BLTP1: variants seen among roughly 807,000 people sequenced by gnomAD.
BLTP1 encodes the protein fragile site-associated protein.
At chr4:122,305,799 A>G in the BLTP1 span, 5 of 1,391,446 alleles carry the variant, frequency 3.6e-6, no homozygotes, top group Admixed American at 1.1e-4. Flanking sequence ...TTGGTGAACA[A>G]TACCATTAAT....
the BLTP1 span, chr4:122,356,697 T>C: frequency 1.2e-6 from 2 of 1,613,890 alleles, no homozygotes; most frequent in South Asian, 2.2e-5. Flanking sequence ...CTATGGATGC[T>C]GAGCTCATCA....
the BLTP1 span, chr4:122,275,980 AT>A: frequency 1.9e-6 from 3 of 1,559,630 alleles, no homozygotes; most frequent in East Asian, 2.4e-5. Context: ...AGACTGGAGG[AT>A]TTTCCTACAT....
At chr4:122,179,850 TAC>T in the BLTP1 span, 2 of 984,610 alleles carry the variant, frequency 2.0e-6, no homozygotes, top group East Asian at 1.1e-4. Context: ...CAGAGATAAA[TAC>T]ACAGAGGCTA....
chr4:122,347,857 C>G, the BLTP1 span: 1 of 997,242 alleles, frequency 1.0e-6, no homozygotes, highest in African/African-American at 1.6e-5. Flanking sequence ...GATTTCAGCC[C>G]TAACTATAGG....
the BLTP1 span, chr4:122,204,830 T>A: frequency 8.0e-6 from 7 of 871,982 alleles, no homozygotes; most frequent in Non-Finnish European, 9.6e-6. Context: ...AGTAAAAGAT[T>A]TGAGGTAAGC....
chr4:122,212,297 A>G, the BLTP1 span, among the ~76,000 whole-genome samples: 3 of 152,202 alleles, frequency 2.0e-5, no homozygotes, highest in Non-Finnish European at 2.9e-5. Context: ...GTAGATACCT[A>G]GAGTTTCTGT....
the BLTP1 span, among the ~76,000 whole-genome samples, chr4:122,304,009 A>C: frequency 6.6e-6 from 1 of 152,174 alleles, no homozygotes; most frequent in African/African-American, 2.4e-5. Context: ...TATGCTACAG[A>C]GAAGTCTTTC....
At chr4:122,254,412 T>C in the BLTP1 span, 1 of 1,388,546 alleles carries the variant, frequency 7.2e-7, no homozygotes, top group South Asian at 1.3e-5. Flanking sequence ...TATACAATTC[T>C]GTTTCATATT....
the BLTP1 span, among the ~76,000 whole-genome samples, chr4:122,317,161 G>T: frequency 6.6e-6 from 1 of 152,096 alleles, no homozygotes; most frequent in South Asian, 2.1e-4. Flanking sequence ...GTGAAACCCT[G>T]TCTCTACTAA....
chr4:122,208,741 C>T, the BLTP1 span: 12 of 805,550 alleles, frequency 1.5e-5, no homozygotes, highest in African/African-American at 7.5e-5. Context: ...ACCTGACTGT[C>T]GAATGCAAAA....
the BLTP1 span, chr4:122,270,877 T>C: frequency 8.7e-7 from 1 of 1,154,354 alleles, no homozygotes; most frequent in Non-Finnish European, 1.2e-6. Context: ...TGAAAAAGCA[T>C]ATTTTACTGG....
chr4:122,322,271 C>A, the BLTP1 span, among the ~76,000 whole-genome samples: 70 of 151,666 alleles, frequency 4.6e-4, no homozygotes, highest in African/African-American at 1.6e-3. Flanking sequence ...ATTGATATAT[C>A]CTCAAGTTCA....
At chr4:122,193,093 C>T in the BLTP1 span, among the ~76,000 whole-genome samples, 2 of 152,092 alleles carry the variant, frequency 1.3e-5, no homozygotes, top group East Asian at 3.9e-4. Flanking sequence ...GTGTCCAGAT[C>T]ATACTATCCA....
At chr4:122,229,449 A>T in the BLTP1 span, among the ~76,000 whole-genome samples, 8 of 152,198 alleles carry the variant, frequency 5.3e-5, no homozygotes, top group Admixed American at 1.3e-4. Context: ...ACTCTGAGTT[A>T]TTGTAACATT....
At chr4:122,226,427 G>A in the BLTP1 span, 1 of 1,177,996 alleles carries the variant, frequency 8.5e-7, no homozygotes, top group Non-Finnish European at 1.0e-6. Flanking sequence ...TTGAATAAAA[G>A]GATTTGCGTT....
chr4:122,362,485 A>T, the BLTP1 span: 1 of 305,998 alleles, frequency 3.3e-6, no homozygotes. Flanking sequence ...GTTATGGTTT[A>T]TAATTATATA....
At chr4:122,175,528 T>C in the BLTP1 span, among the ~76,000 whole-genome samples, 2 of 152,162 alleles carry the variant, frequency 1.3e-5, no homozygotes, top group African/African-American at 4.8e-5. Flanking sequence ...AAAACATTTC[T>C]GTTAGCGCTT....
chr4:122,178,277 A>G, the BLTP1 span: 2 of 396,900 alleles, frequency 5.0e-6, no homozygotes, highest in South Asian at 1.1e-4. Context: ...TTTGTTTTCA[A>G]ATTTACATAA....
the BLTP1 span, among the ~76,000 whole-genome samples, chr4:122,176,147 C>T: frequency 1.3e-5 from 2 of 151,608 alleles, no homozygotes; most frequent in Non-Finnish European, 2.9e-5. Context: ...ACTAAAAATA[C>T]AAAAAATTAG....
Sources: allele counts gnomAD v4.1 joint callset (sites outside exome capture counted in the v4.1 genomes callset), GRCh38; gene constraint gnomAD v4.1.1; transcripts MANE v1.5; gene names NCBI Gene and HGNC (gene_info 2026-07-23, HGNC 2026-07-21).